ITGBL1: variants seen among roughly 807,000 people sequenced by gnomAD.
ITGBL1 encodes the protein integrin subunit beta like 1.
ITGBL1 carries 51 observed loss-of-function variants against 68.5 expected under a neutral mutation model. The ratio of observed to expected loss-of-function variants is 0.74; its 90% confidence interval spans 0.59 to 0.94. The LOEUF is 0.94. Ranked by LOEUF, ITGBL1 falls within the 40% of genes least tolerant of loss-of-function variation. ITGBL1 has a pLI of 0.00. For synonymous variants in ITGBL1, 209 were observed against 227.3 expected (o/e 0.92, Z 0.72); for missense variants, 649 against 647.4 (o/e 1.00, Z -0.03).
chr13:101,543,957 A>AT (rs1232689366), intron 2 of ITGBL1, among the ~76,000 whole-genome samples: 1 of 151,770 alleles, frequency 6.6e-6, no homozygotes, highest in Non-Finnish European at 1.5e-5. Context: ...CATTCGTCTA[A>AT]TTTTTTTTCG....
intron 2 of ITGBL1, among the ~76,000 whole-genome samples, chr13:101,491,627 A>G (rs1434035055): frequency 6.6e-6 from 1 of 151,268 alleles, no homozygotes; most frequent in African/African-American, 2.4e-5. Context: ...CTTTTTCTTT[A>G]TTTTTTTTTA....
chr13:101,526,155 C>CTTTTTTTTT (rs66790287), intron 2 of ITGBL1, among the ~76,000 whole-genome samples: 1 of 136,550 alleles, frequency 7.3e-6, no homozygotes, highest in African/African-American at 2.7e-5. Context: ...TCTTCTTCTT[C>CTTTTTTTTT]TTTTTTTTTT....
chr13:101,628,497 A>G (rs2031865081), intron 7 of ITGBL1, among the ~76,000 whole-genome samples: 1 of 149,050 alleles, frequency 6.7e-6, no homozygotes, highest in Non-Finnish European at 1.5e-5. Flanking sequence ...CAGTGGCATG[A>G]TCTCAGCTCA....
At chr13:101,538,729 G>A (rs1469546694) in intron 2 of ITGBL1, among the ~76,000 whole-genome samples, 1 of 152,030 alleles carries the variant, frequency 6.6e-6, no homozygotes. Context: ...CTGGAAATAA[G>A]AGCTCAAAGG....
chr13:101,639,025 T>C (rs2032274288), intron 7 of ITGBL1, among the ~76,000 whole-genome samples: 1 of 152,152 alleles, frequency 6.6e-6, no homozygotes, highest in Non-Finnish European at 1.5e-5. Context: ...TGAACAGTGT[T>C]ATAGGCAAGT....
chr13:101,453,904 C>A lies in ITGBL1; in HGVS notation c.120C>A (p.Cys40Ter), dbSNP rs1274892293. The A allele has an allele frequency of 1.0e-5, 13 of 1,259,288 alleles. No individual in the cohort carries two copies. The highest frequency in any genetic ancestry group is 4.7e-5 in the African/African-American group (3 of 64,192). The allele number at this position is 1,259,288 out of a possible 1,614,324, so 78.0% of individuals were successfully genotyped here. A position where few individuals can be genotyped will look rare whatever the true frequency, so the allele number is the denominator to read the frequency against. ...PSLRSWPGAA[C>*]RLSRAESERR... ...GCAGGAGCTGGCCGGGCGCCGCCTG[C>A]AGGCTGTCCCGGGCCGAGTCGGAGC... The change falls in exon 2 of 11, where the codon TGC becomes TGA. Residue 40 changes from cysteine (C) to a stop codon, truncating the protein, a stop_gained. Transcript: ENST00000376180. LOFTEE classifies it high-confidence loss of function.
At chr13:101,454,769 G>T (rs891818009) in intron 2 of ITGBL1, among the ~76,000 whole-genome samples, 2 of 152,172 alleles carry the variant, frequency 1.3e-5, no homozygotes, top group African/African-American at 4.8e-5. Context: ...TCACAGGCAG[G>T]AGTGCATATC....
intron 2 of ITGBL1, among the ~76,000 whole-genome samples, chr13:101,518,580 A>AG (rs1050694536): frequency 6.6e-6 from 1 of 152,196 alleles, no homozygotes; most frequent in African/African-American, 2.4e-5. Context: ...AGCCAATTCA[A>AG]GGGGAGAAAA....
chr13:101,514,743 C>A (rs2049168614), intron 2 of ITGBL1, among the ~76,000 whole-genome samples: 1 of 151,910 alleles, frequency 6.6e-6, no homozygotes, highest in Non-Finnish European at 1.5e-5. Context: ...CTGAAATGAC[C>A]ACTAAATATA....
downstream of ITGBL1, chr13:101,720,086 G>GTATT (rs2034876034): frequency 6.6e-6 from 1 of 151,916 alleles, no homozygotes; most frequent in African/African-American, 2.4e-5. Context: ...TCAATATGTT[G>GTATT]TATTTGTGAA....
At chr13:101,626,091 A>G (rs1465399600) in intron 7 of ITGBL1, among the ~76,000 whole-genome samples, 1 of 152,148 alleles carries the variant, frequency 6.6e-6, no homozygotes, top group Non-Finnish European at 1.5e-5. Flanking sequence ...TGCTATTCAA[A>G]GTGTGGTTTG....
At chr13:101,674,790 A>G (rs2033461619) in intron 7 of ITGBL1, among the ~76,000 whole-genome samples, 5 of 152,020 alleles carry the variant, frequency 3.3e-5, no homozygotes, top group Admixed American at 3.3e-4. Flanking sequence ...CTATTCTAGT[A>G]TCATAATATT....
At position 101,452,876 on chromosome 13, in the gene ITGBL1, TC is replaced by T; in HGVS notation, c.46del (p.Leu16PhefsTer17). 3.1e-6 allele frequency: 5 copies of T among 1,614,210 alleles called. No individual in the cohort carries two copies. Among genetic ancestry groups the T allele is most frequent in the Non-Finnish European group, 4.2e-6 (5 of 1,180,036 alleles). ...CAGGAACTTCTTGCTGCTGGCGTCC[TC>T]CCTTCTCTTTGCTGGGTTGTCAGCT... ...GFRNFLLLAS[S>X]LLFAGLSAVP... On this transcript the variant is annotated frameshift_variant, in exon 1 of 11. Coordinates refer to ENST00000376180, the MANE Select transcript of ITGBL1 (RefSeq NM_004791.3). LOFTEE classifies it high-confidence loss of function.
chr13:101,666,409 T>C (rs2033218716), intron 7 of ITGBL1, among the ~76,000 whole-genome samples: 1 of 152,200 alleles, frequency 6.6e-6, no homozygotes, highest in South Asian at 2.1e-4. Context: ...CTCTTGGAAC[T>C]GTGAGCCTGT....
intron 2 of ITGBL1, among the ~76,000 whole-genome samples, chr13:101,469,198 T>C (rs780108337): frequency 6.6e-6 from 1 of 152,168 alleles, no homozygotes; most frequent in Non-Finnish European, 1.5e-5. Context: ...CCAACAATAC[T>C]GCAAAGAGAG....
chr13:101,591,349 TA>T (rs1323495405), intron 6 of ITGBL1, among the ~76,000 whole-genome samples: 3 of 152,216 alleles, frequency 2.0e-5, no homozygotes, highest in Admixed American at 2.0e-4. Flanking sequence ...TGTTTATTAA[TA>T]ATAACAATTT....
intron 2 of ITGBL1, among the ~76,000 whole-genome samples, chr13:101,556,310 T>C (rs112041504): frequency 0.023 from 3,428 of 152,178 alleles, 140 homozygotes; most frequent in African/African-American, 0.077. Context: ...GTAGAGTGGG[T>C]CCTTAATCTG....
chr13:101,506,076 G>A (rs570282336), intron 2 of ITGBL1, among the ~76,000 whole-genome samples: 3 of 152,126 alleles, frequency 2.0e-5, no homozygotes, highest in Non-Finnish European at 4.4e-5. Context: ...CCTACCAAGT[G>A]AATATTCTTT....
chr13:101,613,791 A>G (rs1161054840), intron 7 of ITGBL1, among the ~76,000 whole-genome samples: 2 of 152,116 alleles, frequency 1.3e-5, no homozygotes, highest in African/African-American at 4.8e-5. Context: ...TGTCTGCAAT[A>G]TGGCCTGGGC....
Sources: gnomAD v4.1 joint callset for allele counts (sites outside exome capture counted in the v4.1 genomes callset) on GRCh38, gnomAD v4.1.1 for gene constraint, MANE v1.5 for transcripts, NCBI Gene and HGNC (gene_info 2026-07-23, HGNC 2026-07-21) for gene names.